Variants in SLC7A6 observed in about 807,000 individuals in gnomAD.
The protein encoded by SLC7A6 is solute carrier family 7 member 6, also known as Y+L amino acid transporter 2.
A neutral mutation model predicts 46.6 loss-of-function variants in SLC7A6; 29 were observed. The ratio of observed to expected loss-of-function variants is 0.62; its 90% CI spans 0.46 to 0.85. SLC7A6 has a LOEUF of 0.85. Among genes scored for constraint, SLC7A6 ranks in the 40% least tolerant of loss-of-function variants. SLC7A6 has a pLI of 0.00. For synonymous variants in SLC7A6, 276 were observed against 257.3 expected (o/e 1.07, Z -0.70); for missense variants, 527 against 647.6 (o/e 0.81, Z 2.02).
intron 3 of SLC7A6, among the ~76,000 whole-genome samples, chr16:68,280,855 C>T (rs2042817117): frequency 6.6e-6 from 1 of 152,186 alleles, no homozygotes. Context: ...CTGCGTCAGC[C>T]TCCTGAGTGC....
Position 68,301,240 on chromosome 16 carries a change from GCATGTGGCAGAACCTCATGGA to G in SLC7A6, c.*3916_*3936del. The G allele has an allele frequency of 6.2e-7, 1 of 1,604,242 alleles. No homozygotes were observed. The highest frequency in any genetic ancestry group is 8.5e-7 in the Non-Finnish European group (1 of 1,173,858). ...AACTCTGGACTCAGAGCCCTCAAGG[GCATGTGGCAGAACCTCATGGA>G]CATCACAAGACCATCAGTCTGAATC... is the stretch of plus-strand genomic sequence containing the variant. On this transcript the variant is annotated 3_prime_UTR_variant, in exon 11 of 11. Coordinates refer to ENST00000219343, the MANE Select transcript of SLC7A6 (RefSeq NM_003983.6).
Position 68,301,530 on chromosome 16 carries a change from TAAAAA to T in SLC7A6, c.*4204_*4208del. On this transcript the variant is annotated 3_prime_UTR_variant, in exon 11 of 11. Transcript: ENST00000219343. ...TAATGCAAAATCCTTGCTCAATAAA[TAAAAA>T]AGAATATAGAATTCTTTTTTTTTTA... 1 of 688,310 alleles carries T rather than the reference TAAAAA, an allele frequency of 1.5e-6. No homozygotes were observed. Among genetic ancestry groups the T allele is most frequent in the Non-Finnish European group, 2.2e-6 (1 of 448,180 alleles). The allele number at this position is 688,310 out of a possible 1,614,324, so 42.6% of individuals were successfully genotyped here.
rs558254933 is a variant in SLC7A6, at chr16:68,294,904, C to T, written c.1119+103C>T. On this transcript the variant is annotated intron_variant, in intron 8 of 10. Transcript: ENST00000219343. Reference sequence around the variant, plus strand: ...GAGGGACCCTGAGAAAGGCCTTACTCTAAGATGTGAAAAACAGTTCATTTT... The same window carrying T: ...GAGGGACCCTGAGAAAGGCCTTACTTTAAGATGTGAAAAACAGTTCATTTT... The T allele has an allele frequency of 1.9e-5, 14 of 724,656 alleles. No homozygotes were observed. In the South Asian group the frequency reaches 2.2e-4, roughly 11 times the overall value. 44.9% of individuals were successfully genotyped at this position (724,656 alleles called of 1,614,324 possible). A position where few individuals can be genotyped will look rare whatever the true frequency, so the allele number is the denominator to read the frequency against.
intron 3 of SLC7A6, among the ~76,000 whole-genome samples, chr16:68,279,696 G>C (rs1439052503): frequency 6.6e-6 from 1 of 152,130 alleles, no homozygotes; most frequent in African/African-American, 2.4e-5. Flanking sequence ...AAGCTACCAT[G>C]CCTGGCTAAT....
intron 3 of SLC7A6, chr16:68,284,671 G>A (rs779698009): frequency 2.0e-6 from 2 of 984,694 alleles, no homozygotes; most frequent in East Asian, 1.1e-4. Flanking sequence ...TCTGAGGAGT[G>A]TATCAGCTTC....
chr16:68,293,259 T>C (rs1439705715), intron 7 of SLC7A6, among the ~76,000 whole-genome samples: 1 of 151,836 alleles, frequency 6.6e-6, no homozygotes, highest in African/African-American at 2.4e-5. Flanking sequence ...CTACTAAAAA[T>C]ACAAAAAAAG....
In SLC7A6 at chr16:68,297,412, T is replaced by C; in HGVS notation, c.*84T>C. ...CAAGACTCTGTGGGCCCAACTCTCC[T>C]GAATTAAAGGAGCCTTTTGACCCAA... On this transcript the variant is annotated 3_prime_UTR_variant, in exon 11 of 11. Coordinates refer to ENST00000219343, the MANE Select transcript of SLC7A6 (RefSeq NM_003983.6). The C allele has an allele frequency of 7.0e-6, 8 of 1,150,008 alleles. No individual in the cohort carries two copies. Among genetic ancestry groups the C allele is most frequent in the Non-Finnish European group, 1.0e-5 (8 of 783,778 alleles). 71.2% of individuals were successfully genotyped at this position (1,150,008 alleles called of 1,614,324 possible).
chr16:68,264,654 TGG>T lies in SLC7A6; in HGVS notation c.-166+80_-166+81del, dbSNP rs1259823690. 6.6e-6 allele frequency: 1 copy of T among 151,732 alleles called. No homozygotes were observed. The highest frequency in any genetic ancestry group is 1.5e-5 in the Non-Finnish European group (1 of 67,964). 9.4% of individuals were successfully genotyped at this position (151,732 alleles called of 1,614,324 possible). The stretch of plus-strand genomic sequence containing the variant: ...CGCGTTCTGTGGGAGCCGAACCCTG[TGG>T]GTCTTCGCTGCCGCCGTCGGGAGCG... On this transcript the variant is annotated intron_variant, in intron 1 of 10. Coordinates refer to ENST00000219343, the MANE Select transcript of SLC7A6 (RefSeq NM_003983.6). This position sits in a 1 kb window ranked among gnomAD's most constrained non-coding sequence, Gnocchi z 5.8.
At chr16:68,272,645 G>A (rs774586067) in intron 2 of SLC7A6, among the ~76,000 whole-genome samples, 3 of 152,116 alleles carry the variant, frequency 2.0e-5, no homozygotes, top group African/African-American at 4.8e-5. Flanking sequence ...GGGTAGTTTC[G>A]CCAGTGTATT....
chr16:68,275,106 G>A lies in SLC7A6; in HGVS notation c.380G>A (p.Arg127His), dbSNP rs773113011. 8 of 1,614,118 alleles carry A rather than the reference G, an allele frequency of 5.0e-6. No homozygotes were observed. Among genetic ancestry groups the A allele is most frequent in the Admixed American group, 3.3e-5 (2 of 60,012 alleles). ...TTTGGGGGCTTCATTGCCTTCATCCGCCTGTGGGTCTCACTGCTAGTTGTT... is the reference window on the plus strand; with the variant it reads ...TTTGGGGGCTTCATTGCCTTCATCCACCTGTGGGTCTCACTGCTAGTTGTT... Reference protein sequence around the residue: ...EAFGGFIAFIRLWVSLLVVEP... With the variant: ...EAFGGFIAFIHLWVSLLVVEP... The change falls in exon 3 of 11, where the codon CGC becomes CAC. Residue 127 changes from arginine to histidine, a missense_variant. By Grantham distance (29) the Arg-to-His change is conservative (BLOSUM62 0). Coordinates refer to ENST00000219343, the MANE Select transcript of SLC7A6 (RefSeq NM_003983.6).
At chr16:68,282,338 G>T (rs775021175) in intron 3 of SLC7A6, among the ~76,000 whole-genome samples, 3 of 152,116 alleles carry the variant, frequency 2.0e-5, no homozygotes, top group African/African-American at 4.8e-5. Context: ...GGAGGCCAAG[G>T]CAGGAGGATC....
rs1329428599 is a variant in SLC7A6 at position 68,300,255 on chromosome 16, C to T, written c.*2927C>T. 1 of 152,230 alleles carries T rather than the reference C, an allele frequency of 6.6e-6. No individual in the cohort carries two copies. Among genetic ancestry groups the T allele is most frequent in the Non-Finnish European group, 1.5e-5 (1 of 68,042 alleles). 9.4% of individuals were successfully genotyped at this position (152,230 alleles called of 1,614,324 possible). ...CAGCAGCCACCCGTGTCTACTACTA[C>T]ACAGTGCAGACACAGAACATATCAT... On this transcript the variant is annotated 3_prime_UTR_variant, in exon 11 of 11. Transcript: ENST00000219343.
chr16:68,275,350 C>A lies in SLC7A6; in HGVS notation c.523+101C>A, dbSNP rs2042692076. On this transcript the variant is annotated intron_variant, in intron 3 of 10. Transcript: ENST00000219343. ...GTGGCTCATGCCTATAATCCCAGCA[C>A]TTTGGGAGGCTGAGGCGGGCGGATC... is the stretch of plus-strand genomic sequence containing the variant. The A allele has an allele frequency of 7.0e-6, 10 of 1,427,770 alleles. No homozygotes were observed. The East Asian group carries it at 2.1e-4, about 29-fold the overall frequency. 88.4% of individuals were successfully genotyped at this position (1,427,770 alleles called of 1,614,324 possible). A position where few individuals can be genotyped will look rare whatever the true frequency, so the allele number is the denominator to read the frequency against.
chr16:68,267,125 G>A (rs1434924187), intron 2 of SLC7A6, among the ~76,000 whole-genome samples: 1 of 151,438 alleles, frequency 6.6e-6, no homozygotes, highest in African/African-American at 2.4e-5. Flanking sequence ...AGTAGAGACG[G>A]GGCTTTACCA....
At chr16:68,285,300 G>A (rs1350434475) in intron 3 of SLC7A6, among the ~76,000 whole-genome samples, 2 of 152,146 alleles carry the variant, frequency 1.3e-5, no homozygotes, top group African/African-American at 2.4e-5. Flanking sequence ...GATAGGGAAG[G>A]GGGAGCAATT....
At chr16:68,275,283 G>A (rs778897699) in intron 3 of SLC7A6, 34 bp downstream of exon 3, 2 of 1,578,636 alleles carry the variant, frequency 1.3e-6, no homozygotes, top group Non-Finnish European at 1.7e-6. Context: ...GGATGTTGGG[G>A]GGTGGGGGGT....
At chr16:68,278,905 C>A (rs1163883018) in intron 3 of SLC7A6, among the ~76,000 whole-genome samples, 3 of 152,150 alleles carry the variant, frequency 2.0e-5, no homozygotes, top group Non-Finnish European at 4.4e-5. Flanking sequence ...AGGCGCCCCC[C>A]ACCTCCCGGA....
intron 3 of SLC7A6, among the ~76,000 whole-genome samples, chr16:68,285,359 G>T (rs961070782): frequency 6.6e-6 from 1 of 152,208 alleles, no homozygotes; most frequent in Non-Finnish European, 1.5e-5. Context: ...ACTGTACTGT[G>T]TAGGGGCCTA....
At chr16:68,278,297 T>C (rs2042755601) in intron 3 of SLC7A6, among the ~76,000 whole-genome samples, 1 of 151,828 alleles carries the variant, frequency 6.6e-6, no homozygotes, top group Non-Finnish European at 1.5e-5. Context: ...GGTTGTATAC[T>C]GCTTTATAAT....
Sources: allele counts gnomAD v4.1 joint callset (sites outside exome capture counted in the v4.1 genomes callset), GRCh38; gene constraint gnomAD v4.1.1; non-coding constraint Gnocchi (gnomAD v3.1); transcripts MANE v1.5; gene names NCBI Gene and HGNC (gene_info 2026-07-23, HGNC 2026-07-21).